Variants in ZC2HC1B observed in about 807,000 individuals in gnomAD.
The protein encoded by ZC2HC1B is zinc finger C2HC-type containing 1B.
A neutral mutation model predicts 31.0 loss-of-function variants in ZC2HC1B; 36 were observed. That is an observed-to-expected ratio of 1.16 (90% CI 0.89 to 1.54). The LOEUF is 1.54. Among genes scored for constraint, ZC2HC1B ranks in the 40% most tolerant of loss-of-function variants. The pLI is 0.00. For missense variants in ZC2HC1B, 260 were observed against 268.6 expected, an observed-to-expected ratio of 0.97 and a Z score of 0.22; for synonymous variants, 73 against 88.0, an observed-to-expected ratio of 0.83 and a Z score of 0.95.
rs893098363 is a variant in ZC2HC1B at position 143,886,074 on chromosome 6, C to G, written c.133C>G (p.Arg45Gly). ...ATGTAAGAAACTCTTCAACAGAAAG[C>G]GTAAACCTTTCAGTTCTTTGAAGCA... ...PICKKLFNRK[R>G]KPFSSLKQRL... Residue 45 changes from arginine (R) to glycine (G), a missense_variant, in exon 3 of 8, where the codon CGT becomes GGT. Coordinates refer to ENST00000237275, the MANE Select transcript of ZC2HC1B (RefSeq NM_001013623.3). The surrounding 1 kb of genome is among the most constrained non-coding windows in gnomAD (Gnocchi z 4.2). 2 of 1,547,962 alleles carry G rather than the reference C, an allele frequency of 1.3e-6. No individual in the cohort carries two copies. The highest frequency in any genetic ancestry group is 1.4e-5 in the African/African-American group (1 of 72,786).
At chr6:143,873,833 C>T (rs1407886776) in intron 1 of ZC2HC1B, among the ~76,000 whole-genome samples, 3 of 152,278 alleles carry the variant, frequency 2.0e-5, no homozygotes, top group Non-Finnish European at 1.5e-5. Context: ...TCTGGGCGTT[C>T]GATGGGAGGG....
Position 143,917,908 on chromosome 6 carries a change from T to G in ZC2HC1B, c.598+14756T>G, listed in dbSNP as rs1777937380. On this transcript the variant is annotated intron_variant, in intron 6 of 7. Coordinates refer to ENST00000237275, the MANE Select transcript of ZC2HC1B (RefSeq NM_001013623.3). This position sits in a 1 kb window ranked among gnomAD's most constrained non-coding sequence, Gnocchi z 4.1. ...TAGTTTTTAGACTAATAATTGTTTT[T>G]TAAAATGTGTTAGTCTCTTCGATCA... Among the ~76,000 whole-genome samples the G allele has an allele frequency of 6.6e-6, 1 of 152,248 alleles. No individual in the cohort carries two copies.
At chr6:143,892,706 C>A (rs916204423) in intron 4 of ZC2HC1B, among the ~76,000 whole-genome samples, 5 of 152,108 alleles carry the variant, frequency 3.3e-5, no homozygotes, top group African/African-American at 1.2e-4. Context: ...CCCCATGATC[C>A]AAACACCTCA....
rs1489548078 is a variant in ZC2HC1B, at chr6:143,886,013, C to G, written c.91-19C>G. The G allele has an allele frequency of 2.7e-6, 4 of 1,507,576 alleles. No homozygotes were observed. The highest frequency in any genetic ancestry group is 1.4e-5 in the African/African-American group (1 of 70,936). 93.4% of individuals were successfully genotyped at this position (1,507,576 alleles called of 1,614,324 possible). A position where few individuals can be genotyped will look rare whatever the true frequency, so the allele number is the denominator to read the frequency against. On this transcript the variant is annotated intron_variant, in intron 2 of 7. Transcript: ENST00000237275. The surrounding 1 kb of genome is among the most constrained non-coding windows in gnomAD (Gnocchi z 4.2). Reference sequence around the variant, plus strand: ...ATTGTGCACTTTAGAAATTCCAATCCCTACTCTTCGTTTTCTAGGAAAGGC... The same window carrying G: ...ATTGTGCACTTTAGAAATTCCAATCGCTACTCTTCGTTTTCTAGGAAAGGC...
chr6:143,886,199 T>C lies in ZC2HC1B; in HGVS notation c.210+48T>C, dbSNP rs765273942. On this transcript the variant is annotated intron_variant, in intron 3 of 7. Transcript: ENST00000237275. The surrounding 1 kb of genome is among the most constrained non-coding windows in gnomAD (Gnocchi z 4.2). ...TGTTTGTTATTACATTCTGCGGTAC[T>C]GTAAGGCCTATTTCTGGGATTTCTG... 2.1e-6 allele frequency: 3 copies of C among 1,426,810 alleles called. No individual in the cohort carries two copies. Among genetic ancestry groups the C allele is most frequent in the Admixed American group, 6.3e-5 (2 of 31,694 alleles). The allele number at this position is 1,426,810 out of a possible 1,614,324, so 88.4% of individuals were successfully genotyped here.
At chr6:143,932,265 TTTCTC>T (rs1365661980) in intron 6 of ZC2HC1B, among the ~76,000 whole-genome samples, 1 of 152,204 alleles carries the variant, frequency 6.6e-6, no homozygotes, top group Admixed American at 6.5e-5. Flanking sequence ...TCCAAGAAGA[TTTCTC>T]TTCTTCGCCA....
chr6:143,885,532 G>A lies in ZC2HC1B; in HGVS notation c.91-500G>A, dbSNP rs190236658. On this transcript the variant is annotated intron_variant, in intron 2 of 7. Transcript: ENST00000237275. The surrounding 1 kb of genome is among the most constrained non-coding windows in gnomAD (Gnocchi z 4.2). Reference sequence around the variant, plus strand: ...ATGGCTTGTTCTTAGCCAGTGCAGTGATTTTTATAGAGCTTGTATTTTGTG... The same window carrying A: ...ATGGCTTGTTCTTAGCCAGTGCAGTAATTTTTATAGAGCTTGTATTTTGTG... Among the ~76,000 whole-genome samples the A allele has an allele frequency of 2.0e-5, 3 of 152,318 alleles. No individual in the cohort carries two copies. In the East Asian group the frequency reaches 5.8e-4, roughly 29 times the overall value.
At chr6:143,882,805 C>T (rs970801529) in intron 1 of ZC2HC1B, among the ~76,000 whole-genome samples, 1 of 152,066 alleles carries the variant, frequency 6.6e-6, no homozygotes, top group Non-Finnish European at 1.5e-5. Context: ...TCAGTGTTTC[C>T]AAAGCTGAAG....
At chr6:143,930,933 C>A (rs774913156) in intron 6 of ZC2HC1B, among the ~76,000 whole-genome samples, 11 of 152,150 alleles carry the variant, frequency 7.2e-5, no homozygotes, top group Non-Finnish European at 1.0e-4. Context: ...GTTGATTTTT[C>A]TGTCTTGATG....
rs1490158823 is a variant in ZC2HC1B, at chr6:143,884,011, A to T, written c.29-293A>T. 6.6e-6 allele frequency among the ~76,000 whole-genome samples: 1 copy of T among 152,256 alleles called. No individual in the cohort carries two copies. The highest frequency in any genetic ancestry group is 1.5e-5 in the Non-Finnish European group (1 of 68,042). ...ATTTTTTTGCTTATGTCTCAAGCAA[A>T]GTTATCAGGCACTTCATGTAAGAAT... On this transcript the variant is annotated intron_variant, in intron 1 of 7. Coordinates refer to ENST00000237275, the MANE Select transcript of ZC2HC1B (RefSeq NM_001013623.3). The surrounding 1 kb of genome is among the most constrained non-coding windows in gnomAD (Gnocchi z 5.1).
intron 4 of ZC2HC1B, among the ~76,000 whole-genome samples, chr6:143,890,429 T>C (rs1443723303): frequency 7.0e-6 from 1 of 143,872 alleles, no homozygotes; most frequent in Non-Finnish European, 1.5e-5. Context: ...CTCAGCAAGA[T>C]AGAATTAGAA....
Position 143,885,733 on chromosome 6 carries a change from C to G in ZC2HC1B, c.91-299C>G, listed in dbSNP as rs1562339277. Among the ~76,000 whole-genome samples, 1 of 151,302 alleles carries G rather than the reference C, an allele frequency of 6.6e-6. No homozygotes were observed. Among genetic ancestry groups the G allele is most frequent in the Non-Finnish European group, 1.5e-5 (1 of 68,032 alleles). On this transcript the variant is annotated intron_variant, in intron 2 of 7. Transcript: ENST00000237275. This position sits in a 1 kb window ranked among gnomAD's most constrained non-coding sequence, Gnocchi z 4.2. ...TCAGAAATGTTGAATACTTGAAGGA[C>G]TACTGATTGGAGTAAAGAACATACT...
Position 143,864,556 on chromosome 6 carries a change from C to G in ZC2HC1B, c.17C>G (p.Pro6Arg), listed in dbSNP as rs777189892. ...AGGAACAGAATGGCTGGGGCAGAAC[C>G]ATTTTTGGCAGGTGAGCTGCACTTG... MAGAE[P>R]FLADGNQELF... Residue 6 changes from proline to arginine, a missense_variant, in exon 1 of 8, where the codon CCA becomes CGA. Transcript: ENST00000237275. 3 of 1,551,596 alleles carry G rather than the reference C, an allele frequency of 1.9e-6. No individual in the cohort carries two copies. The highest frequency in any genetic ancestry group is 1.7e-6 in the Non-Finnish European group (2 of 1,146,942).
chr6:143,866,877 G>C (rs1223369465), intron 1 of ZC2HC1B, among the ~76,000 whole-genome samples: 1 of 152,052 alleles, frequency 6.6e-6, no homozygotes. Flanking sequence ...AGTCCCCTGT[G>C]AATCCATCCT....
chr6:143,889,079 A>G (rs889740920), intron 4 of ZC2HC1B, among the ~76,000 whole-genome samples: 1 of 152,050 alleles, frequency 6.6e-6, no homozygotes, highest in South Asian at 2.1e-4. Flanking sequence ...AAACAATAGC[A>G]CAAGGTTGAG....
chr6:143,933,891 A>G lies in ZC2HC1B; in HGVS notation c.599-3758A>G, dbSNP rs1242239247. On this transcript the variant is annotated intron_variant, in intron 6 of 7. Coordinates refer to ENST00000237275, the MANE Select transcript of ZC2HC1B (RefSeq NM_001013623.3). This position sits in a 1 kb window ranked among gnomAD's most constrained non-coding sequence, Gnocchi z 6.4. ...TCTCAAGAGGGTTTGCACCCAGTCAAAATTATTACAAAGTTCAGTTGGAAG... is the reference window on the plus strand; with the variant it reads ...TCTCAAGAGGGTTTGCACCCAGTCAGAATTATTACAAAGTTCAGTTGGAAG... 6.6e-6 allele frequency among the ~76,000 whole-genome samples: 1 copy of G among 152,162 alleles called. No individual in the cohort carries two copies. The highest frequency in any genetic ancestry group is 1.5e-5 in the Non-Finnish European group (1 of 68,028).
At position 143,886,625 on chromosome 6, in the gene ZC2HC1B, A is replaced by G. The variant is rs184892607; in HGVS notation, c.211-58A>G. ...GAATTCAAATTCCAGCTTTAAACAA[A>G]ATTGTAATGGAGAGGTATATAGTCT... is the stretch of plus-strand genomic sequence containing the variant. On this transcript the variant is annotated intron_variant, in intron 3 of 7. Coordinates refer to ENST00000237275, the MANE Select transcript of ZC2HC1B (RefSeq NM_001013623.3). The surrounding 1 kb of genome is among the most constrained non-coding windows in gnomAD (Gnocchi z 4.2). 7.2e-7 allele frequency: 1 copy of G among 1,382,802 alleles called. No individual in the cohort carries two copies. The highest frequency in any genetic ancestry group is 1.5e-5 in the African/African-American group (1 of 66,180). The allele number at this position is 1,382,802 out of a possible 1,614,324, so 85.7% of individuals were successfully genotyped here.
rs140246942 is a variant in ZC2HC1B at position 143,931,603 on chromosome 6, C to T, written c.599-6046C>T. Among the ~76,000 whole-genome samples, 324 of 152,260 alleles carry T rather than the reference C, an allele frequency of 2.1e-3. 7 individuals carry two copies. In the East Asian group the frequency reaches 0.038, roughly 18 times the overall value. On this transcript the variant is annotated intron_variant, in intron 6 of 7. Transcript: ENST00000237275. Reference sequence around the variant, plus strand: ...ATTTATGATGCTTAGTTTTGCTGGACACAGAAGTCTTGGCTGGCAATTATT... The same window carrying T: ...ATTTATGATGCTTAGTTTTGCTGGATACAGAAGTCTTGGCTGGCAATTATT...
intron 1 of ZC2HC1B, among the ~76,000 whole-genome samples, chr6:143,866,140 C>T (rs1036055989): frequency 2.0e-5 from 3 of 152,158 alleles, no homozygotes; most frequent in South Asian, 2.1e-4. Flanking sequence ...AAGCACTGCC[C>T]GTGAATGGTG....
Sources: gnomAD v4.1 joint callset for allele counts (sites outside exome capture counted in the v4.1 genomes callset) on GRCh38, gnomAD v4.1.1 for gene constraint, Gnocchi (gnomAD v3.1) non-coding constraint, MANE v1.5 for transcripts, NCBI Gene and HGNC (gene_info 2026-07-23, HGNC 2026-07-21) for gene names.